RBFOX1: variants seen among roughly 807,000 people sequenced by gnomAD.
RBFOX1 encodes the protein RNA binding protein fox-1 homolog 1.
In RBFOX1, 8 loss-of-function variants were observed where a neutral mutation model predicts 57.7. That is an observed-to-expected ratio of 0.14 (90% confidence interval 0.08 to 0.25). The LOEUF (loss-of-function observed/expected upper bound fraction) is 0.25. Ranked by LOEUF, RBFOX1 falls within the 10% of genes least tolerant of loss-of-function variation. RBFOX1 has a pLI of 1.00. For missense variants in RBFOX1, 611 were observed against 548.5 expected, an observed-to-expected ratio of 1.11 and a Z score of -1.14; for synonymous variants, 326 against 222.4, an observed-to-expected ratio of 1.47 and a Z score of -4.15.
chr16:6,880,829 T>C (rs563499081), intron 3 of RBFOX1, among the ~76,000 whole-genome samples: 18 of 152,352 alleles, frequency 1.2e-4, no homozygotes, highest in African/African-American at 3.6e-4. Flanking sequence ...AATATATAAA[T>C]GTGTTGGAAT....
At chr16:7,444,004 A>T (rs1343735633) in intron 4 of RBFOX1, among the ~76,000 whole-genome samples, 1 of 152,216 alleles carries the variant, frequency 6.6e-6, no homozygotes, top group African/African-American at 2.4e-5. Flanking sequence ...TTTGCCTATG[A>T]AGAAATAGTT....
rs144415601 is a variant in RBFOX1, at chr16:6,622,334, A to G, written c.-63-32269A>G. Among the ~76,000 whole-genome samples the G allele has an allele frequency of 9.4e-3, 1,425 of 152,250 alleles. 23 individuals are homozygous for G. The highest frequency in any genetic ancestry group is 0.032 in the African/African-American group (1,347 of 41,540). ...ACAGATGTATAATTTTTTATCTTTT[A>G]TATTTTTATCGTACCTTTTCTATGT... is the stretch of plus-strand genomic sequence containing the variant. On this transcript the variant is annotated intron_variant, in intron 2 of 15. Transcript: ENST00000550418.
intron 4 of RBFOX1, among the ~76,000 whole-genome samples, chr16:7,376,624 A>T (rs2097690534): frequency 6.6e-6 from 1 of 152,154 alleles, no homozygotes; most frequent in Non-Finnish European, 1.5e-5. Flanking sequence ...TTACAACTGT[A>T]ATTATCTTGG....
intron 3 of RBFOX1, among the ~76,000 whole-genome samples, chr16:6,783,549 C>T (rs375124005): frequency 6.6e-6 from 1 of 151,830 alleles, no homozygotes; most frequent in African/African-American, 2.4e-5. Flanking sequence ...TACGCTTTAT[C>T]TCCATCTCCT....
intron 4 of RBFOX1, among the ~76,000 whole-genome samples, chr16:5,985,455 A>T (rs2060267552): frequency 6.6e-6 from 1 of 152,134 alleles, no homozygotes; most frequent in Non-Finnish European, 1.5e-5. Context: ...TGAAGAAATG[A>T]GGCACAGAGG....
At chr16:7,162,052 C>T (rs1186531122) in intron 4 of RBFOX1, among the ~76,000 whole-genome samples, 1 of 152,190 alleles carries the variant, frequency 6.6e-6, no homozygotes, top group African/African-American at 2.4e-5. Flanking sequence ...GAGCCTGTTT[C>T]CTTCTCTCAG....
At chr16:5,254,897 G>C (rs963151909) in intron 1 of RBFOX1, among the ~76,000 whole-genome samples, 4 of 152,130 alleles carry the variant, frequency 2.6e-5, no homozygotes, top group Admixed American at 6.5e-5. Context: ...GCCTTTTGGG[G>C]TGAACTGCAA....
chr16:5,294,703 T>C (rs1165232815), intron 1 of RBFOX1, among the ~76,000 whole-genome samples: 3 of 152,046 alleles, frequency 2.0e-5, no homozygotes, highest in Non-Finnish European at 2.9e-5. Context: ...CCCCTTTGTG[T>C]GCTGACCACT....
intron 3 of RBFOX1, among the ~76,000 whole-genome samples, chr16:6,677,157 C>G (rs943051966): frequency 6.6e-6 from 1 of 151,940 alleles, no homozygotes; most frequent in African/African-American, 2.4e-5. Context: ...AAATAGAATT[C>G]CAAAATATTC....
intron 4 of RBFOX1, among the ~76,000 whole-genome samples, chr16:5,905,338 C>G (rs2058432123): frequency 6.6e-6 from 1 of 151,934 alleles, no homozygotes; most frequent in Non-Finnish European, 1.5e-5. Context: ...CAGGCATGAG[C>G]TGCTGTGACG....
intron 14 of RBFOX1, among the ~76,000 whole-genome samples, chr16:7,688,703 G>C (rs769847952): frequency 6.6e-6 from 1 of 152,098 alleles, no homozygotes; most frequent in African/African-American, 2.4e-5. Context: ...ATAGAGTATA[G>C]ATGGTTGATC....
rs1428236512 is a variant in RBFOX1, at chr16:6,940,848, AGTCTGTGTGTGTGTGT to A, written c.-15-111206_-15-111191del. 4.8e-3 allele frequency among the ~76,000 whole-genome samples: 282 copies of A among 58,488 alleles called. 6 individuals carry two copies. Among genetic ancestry groups the A allele is most frequent in the African/African-American group, 0.025 (258 of 10,252 alleles). 38.4% of individuals were successfully genotyped at this position (58,488 alleles called of 152,430 possible). A position where few individuals can be genotyped will look rare whatever the true frequency, so the allele number is the denominator to read the frequency against. On this transcript the variant is annotated intron_variant, in intron 3 of 15. Transcript: ENST00000550418. ...CAGGCGCCTGCCACCATGTCCGGCT[AGTCTGTGTGTGTGTGT>A]GTGTGTGTGTGTGTGTGTGTGTGTG...
At chr16:6,518,415 A>T (rs142263635) in intron 2 of RBFOX1, among the ~76,000 whole-genome samples, 2 of 152,136 alleles carry the variant, frequency 1.3e-5, no homozygotes, top group African/African-American at 4.8e-5. Context: ...AAGTGCACCA[A>T]TCAGGGGCCA....
At chr16:7,199,909 AAACAACAACAAC>A (rs146515780) in intron 4 of RBFOX1, among the ~76,000 whole-genome samples, 1 of 151,816 alleles carries the variant, frequency 6.6e-6, no homozygotes, top group Non-Finnish European at 1.5e-5. Flanking sequence ...AAACAAAACA[AAACAACAACAAC>A]AACAACAACA....
intron 3 of RBFOX1, among the ~76,000 whole-genome samples, chr16:5,770,827 A>C (rs77362641): frequency 0.015 from 2,241 of 152,346 alleles, 68 homozygotes; most frequent in African/African-American, 0.051. Flanking sequence ...CTCTATGCCA[A>C]GCCCATGACA....
At chr16:6,846,605 G>A (rs1026147093) in intron 3 of RBFOX1, among the ~76,000 whole-genome samples, 2 of 152,178 alleles carry the variant, frequency 1.3e-5, no homozygotes, top group African/African-American at 4.8e-5. Flanking sequence ...AACGCACGAA[G>A]ACCTTTGCCC....
At chr16:7,635,904 G>A (rs1354462941) in intron 11 of RBFOX1, among the ~76,000 whole-genome samples, 3 of 152,134 alleles carry the variant, frequency 2.0e-5, no homozygotes, top group African/African-American at 4.8e-5. Context: ...TCCACCTCCT[G>A]GGTTCACACC....
intron 4 of RBFOX1, among the ~76,000 whole-genome samples, chr16:5,871,763 G>A (rs2057479230): frequency 6.6e-6 from 1 of 152,146 alleles, no homozygotes; most frequent in Admixed American, 6.5e-5. Flanking sequence ...CTTACCAGTT[G>A]GTTTCTTGCC....
chr16:6,642,193 GT>G, intron 2 of RBFOX1, among the ~76,000 whole-genome samples: 1 of 152,162 alleles, frequency 6.6e-6, no homozygotes, highest in Admixed American at 6.6e-5. Context: ...TTTCTCTTCG[GT>G]GCTGTATTTT....
Sources: gnomAD v4.1 joint callset for allele counts (sites outside exome capture counted in the v4.1 genomes callset) on GRCh38, gnomAD v4.1.1 for gene constraint, MANE v1.5 for transcripts, NCBI Gene and HGNC (gene_info 2026-07-23, HGNC 2026-07-21) for gene names.